Variants in WRAP73 observed in about 807,000 individuals in gnomAD.
WRAP73 encodes WD repeat containing, antisense to TP73, also known as WD repeat-containing protein WRAP73.
In WRAP73, 55 loss-of-function variants were observed where a neutral mutation model predicts 59.6. The ratio of observed to expected loss-of-function variants is 0.92; its 90% CI spans 0.74 to 1.15. The LOEUF (loss-of-function observed/expected upper bound fraction) is 1.15, where lower values mean the gene tolerates loss of function less well. Ranked by LOEUF, WRAP73 falls within the 50% of genes most tolerant of loss-of-function variation. The pLI is 0.00. For missense variants in WRAP73, 592 were observed against 608.1 expected (o/e 0.97, Z 0.28); for synonymous variants, 265 against 258.2 (o/e 1.03, Z -0.25).
intron 9 of WRAP73, chr1:3,633,116 T>C (rs1644554436): frequency 2.6e-6 from 1 of 389,972 alleles, no homozygotes; most frequent in African/African-American, 2.2e-5. Flanking sequence ...TTGAAAAACA[T>C]CATTCTCGGA....
At chr1:3,642,737 C>CA (rs35743795) in intron 3 of WRAP73, among the ~76,000 whole-genome samples, 2,273 of 96,516 alleles carry the variant, frequency 0.024, 72 homozygotes, top group African/African-American at 0.081. Context: ...AACTCCATCT[C>CA]AAAAAAAAAA....
chr1:3,633,355 G>T, intron 9 of WRAP73, 43 bp downstream of exon 9: 2 of 1,534,178 alleles, frequency 1.3e-6, no homozygotes, highest in Non-Finnish European at 1.8e-6. Flanking sequence ...GAGGAATCTT[G>T]CATTAAAAAA....
rs373889879 is a variant in WRAP73, at chr1:3,646,859, C to A, written c.223-77G>T. 3 of 1,342,168 alleles carry A rather than the reference C, an allele frequency of 2.2e-6. No individual in the cohort carries two copies. The highest frequency in any genetic ancestry group is 1.1e-6 in the Non-Finnish European group (1 of 951,878). The allele number at this position is 1,342,168 out of a possible 1,614,324, so 83.1% of individuals were successfully genotyped here. ...AGACAGCGAGGACAGCTCGCTTAAA[C>A]GCAGCGGAGACCCGACCGCACAGGG... On this transcript the variant is annotated intron_variant, in intron 2 of 11. Coordinates refer to ENST00000270708, the MANE Select transcript of WRAP73 (RefSeq NM_017818.4). The surrounding 1 kb of genome is among the most constrained non-coding windows in gnomAD (Gnocchi z 5.1).
At chr1:3,636,140 G>C in intron 5 of WRAP73, 110 bp from the exon 6 acceptor site, 1 of 798,696 alleles carries the variant, frequency 1.3e-6, no homozygotes, top group Non-Finnish European at 2.0e-6. Context: ...TATAGAAATT[G>C]ACAAAATCTC....
In WRAP73 at chr1:3,650,100, A is replaced by G. The variant is rs1570316515; in HGVS notation, c.-101T>C. On this transcript the variant is annotated 5_prime_UTR_variant, in exon 1 of 12. Transcript: ENST00000270708. ...GCCGACGCCGGCCTCCGAGGCCGGAAGTCAGAAGGCGGAAGTGAACTGCAG... is the reference window on the plus strand; with the variant it reads ...GCCGACGCCGGCCTCCGAGGCCGGAGGTCAGAAGGCGGAAGTGAACTGCAG... 5 of 1,259,090 alleles carry G rather than the reference A, an allele frequency of 4.0e-6. No individual in the cohort carries two copies. In the South Asian group the frequency reaches 4.5e-5, roughly 11 times the overall value. The allele number at this position is 1,259,090 out of a possible 1,614,324, so 78.0% of individuals were successfully genotyped here. A position where few individuals can be genotyped will look rare whatever the true frequency, so the allele number is the denominator to read the frequency against.
At position 3,635,160 on chromosome 1, in the gene WRAP73, C is replaced by T; in HGVS notation, c.738G>A (p.Lys246=). ...QFLAVGSYDG[K]VRILNHVTWK... is the part of the protein sequence containing the mutation. Reference sequence around the variant, plus strand: ...CTGAGTGCCCTGCACTGGTTCCCACCTTTCCATCATAGCTCCCAACTGCCA... The same window carrying T: ...CTGAGTGCCCTGCACTGGTTCCCACTTTTCCATCATAGCTCCCAACTGCCA... Residue 246 remains lysine (K), a splice_region_variant and synonymous_variant, in exon 7 of 12, where the codon AAG becomes AAA. Transcript: ENST00000270708. 6.2e-7 allele frequency: 1 copy of T among 1,614,172 alleles called. No homozygotes were observed. Among genetic ancestry groups the T allele is most frequent in the Non-Finnish European group, 8.5e-7 (1 of 1,180,054 alleles).
Position 3,631,101 on chromosome 1 carries a change from G to A in WRAP73, c.1257C>T (p.Leu419=), listed in dbSNP as rs773976251. ...CTCCGCTTAAATGCCAGCACAGAGA[G>A]AGCACTGCAAAGTCGCCTAGAGAGA... ...QVPGEGDFAV[L]SLCWHLSGDS... is the part of the protein sequence containing the mutation. The change falls in exon 12 of 12, where the codon CTC becomes CTT. Residue 419 remains leucine (L), a synonymous_variant. Coordinates refer to ENST00000270708, the MANE Select transcript of WRAP73 (RefSeq NM_017818.4). The A allele has an allele frequency of 5.0e-6, 8 of 1,613,242 alleles. No individual in the cohort carries two copies. In the Admixed American group the frequency reaches 8.3e-5, roughly 17 times the overall value.
chr1:3,634,529 C>T (rs1217835418), intron 8 of WRAP73: 2 of 189,444 alleles, frequency 1.1e-5, no homozygotes, highest in African/African-American at 4.7e-5. Context: ...CGCTGGTGGC[C>T]ACTCCCTGCC....
At chr1:3,631,364 G>A in intron 11 of WRAP73, 102 bp downstream of exon 11, 1 of 1,427,140 alleles carries the variant, frequency 7.0e-7, no homozygotes, top group Non-Finnish European at 9.5e-7. Context: ...TTTCCCTGGA[G>A]TGCTGCCGGA....
chr1:3,631,765 G>A (rs1388927200), intron 10 of WRAP73, 108 bp from the exon 11 acceptor site: 23 of 1,470,282 alleles, frequency 1.6e-5, no homozygotes, highest in Admixed American at 6.9e-5. Context: ...GGGAAGAACC[G>A]GTGGGGTGGG....
chr1:3,648,897 A>C (rs1241135517), intron 1 of WRAP73, among the ~76,000 whole-genome samples: 6 of 152,186 alleles, frequency 3.9e-5, no homozygotes, highest in Non-Finnish European at 2.9e-5. Context: ...ATGCTATTTT[A>C]TGTGATTTGG....
At chr1:3,649,823 T>C (rs1644724067) in intron 1 of WRAP73, 108 bp downstream of exon 1, 2 of 1,253,256 alleles carry the variant, frequency 1.6e-6, no homozygotes, top group Admixed American at 2.6e-5. Flanking sequence ...GCACCGCACC[T>C]GCAGGATCCC....
At chr1:3,649,834 C>G in intron 1 of WRAP73, 97 bp downstream of exon 1, 1 of 1,367,562 alleles carries the variant, frequency 7.3e-7, no homozygotes, top group Non-Finnish European at 9.9e-7. Context: ...GCAGGATCCC[C>G]AAGCTGCCTC....
At chr1:3,634,801 C>A (rs1644573575) in intron 8 of WRAP73, 196 bp downstream of exon 8, 2 of 688,144 alleles carry the variant, frequency 2.9e-6, no homozygotes, top group Admixed American at 4.5e-5. Context: ...CACTTCAGAC[C>A]CTTTGGGCAG....
Position 3,646,553 on chromosome 1 carries a change from G to A in WRAP73, c.339+113C>T, listed in dbSNP as rs1644692352. 1.3e-6 allele frequency: 1 copy of A among 781,406 alleles called. No individual in the cohort carries two copies. Among genetic ancestry groups the A allele is most frequent in the South Asian group, 2.0e-5 (1 of 50,130 alleles). The allele number at this position is 781,406 out of a possible 1,614,324, so 48.4% of individuals were successfully genotyped here. A position where few individuals can be genotyped will look rare whatever the true frequency, so the allele number is the denominator to read the frequency against. ...GTGGTCTTAGAATGCATCCCCTGAG[G>A]ATAAGGGGAGACTAGCATACTCCAA... On this transcript the variant is annotated intron_variant, in intron 3 of 11. Transcript: ENST00000270708. The surrounding 1 kb of genome is among the most constrained non-coding windows in gnomAD (Gnocchi z 5.1).
chr1:3,650,046 G>T lies in WRAP73; in HGVS notation c.-47C>A. ...CCACCCTGCGCCCGAAAACCCGCGG[G>T]ACCCCTGGGCGCGCAGCAGGCTGCA... is the stretch of plus-strand genomic sequence containing the variant. On this transcript the variant is annotated 5_prime_UTR_variant, in exon 1 of 12. Coordinates refer to ENST00000270708, the MANE Select transcript of WRAP73 (RefSeq NM_017818.4). 5 of 1,534,338 alleles carry T rather than the reference G, an allele frequency of 3.3e-6. No individual in the cohort carries two copies. The highest frequency in any genetic ancestry group is 4.4e-6 in the Non-Finnish European group (5 of 1,140,624).
Position 3,635,144 on chromosome 1 carries a change from C to T in WRAP73, c.738+16G>A. On this transcript the variant is annotated intron_variant, in intron 7 of 11. Coordinates refer to ENST00000270708, the MANE Select transcript of WRAP73 (RefSeq NM_017818.4). ...TGGGCGGTCGGACTTCCTGAGTGCC[C>T]TGCACTGGTTCCCACCTTTCCATCA... is the stretch of plus-strand genomic sequence containing the variant. The T allele has an allele frequency of 6.2e-7, 1 of 1,614,144 alleles. No homozygotes were observed. Among genetic ancestry groups the T allele is most frequent in the Non-Finnish European group, 8.5e-7 (1 of 1,180,046 alleles).
In WRAP73 at chr1:3,633,415, G is replaced by C. The variant is rs763422361; in HGVS notation, c.905C>G (p.Pro302Arg). 2 of 1,612,878 alleles carry C rather than the reference G, an allele frequency of 1.2e-6. No homozygotes were observed. The highest frequency in any genetic ancestry group is 1.7e-6 in the Non-Finnish European group (2 of 1,179,924). Residue 302 changes from proline (P) to arginine (R), a missense_variant, in exon 9 of 12, where the codon CCG becomes CGG. By Grantham distance (103) the Pro-to-Arg change is moderately radical. Transcript: ENST00000270708. ...PPPRAGAGPL[P>R]SSESKYEIAS... is the part of the protein sequence containing the mutation. ...CTACTTACATTTACTCTCTGAGCTC[G>C]GGAGAGGGCCGGCCCCGGCCCGGGG...
intron 9 of WRAP73, 198 bp from the exon 10 acceptor site, chr1:3,632,536 A>G: frequency 1.3e-6 from 1 of 779,646 alleles, no homozygotes; most frequent in Non-Finnish European, 2.0e-6. Flanking sequence ...AGTGCCCCGG[A>G]TGAGAGTGGC....
Sources: gnomAD v4.1 joint callset for allele counts (sites outside exome capture counted in the v4.1 genomes callset) on GRCh38, gnomAD v4.1.1 for gene constraint, Gnocchi (gnomAD v3.1) non-coding constraint, MANE v1.5 for transcripts, NCBI Gene and HGNC (gene_info 2026-07-23, HGNC 2026-07-21) for gene names.